DGKB: variants seen among roughly 807,000 people sequenced by gnomAD.
DGKB encodes the protein diacylglycerol kinase beta.
In DGKB, 67 loss-of-function variants were observed where a neutral mutation model predicts 114.3. The ratio of observed to expected loss-of-function variants is 0.59; its 90% confidence interval spans 0.48 to 0.72. The LOEUF (loss-of-function observed/expected upper bound fraction) is 0.72. Ranked by LOEUF, DGKB falls within the 30% of genes least tolerant of loss-of-function variation. The pLI, the probability that DGKB is intolerant of heterozygous loss-of-function variation, is 0.00. For synonymous variants in DGKB, 398 were observed against 323.1 expected (o/e 1.23, Z -2.49); for missense variants, 907 against 975.2 (o/e 0.93, Z 0.93).
chr7:14,154,692 A>AAC (rs1562485537), intron 25 of DGKB, among the ~76,000 whole-genome samples: 1 of 152,002 alleles, frequency 6.6e-6, no homozygotes, highest in African/African-American at 2.4e-5. Context: ...CCATAAAAAA[A>AAC]AAACAAACAA....
chr7:14,526,203 G>T (rs531106231), intron 20 of DGKB, among the ~76,000 whole-genome samples: 6 of 152,136 alleles, frequency 3.9e-5, no homozygotes, highest in African/African-American at 7.2e-5. Flanking sequence ...TTTAAATCAG[G>T]TTTTTTAAAA....
chr7:14,528,312 A>G (rs547398970), intron 20 of DGKB, among the ~76,000 whole-genome samples: 2 of 152,234 alleles, frequency 1.3e-5, no homozygotes, highest in African/African-American at 4.8e-5. Flanking sequence ...TAACTGAGTC[A>G]TGAATCCCTA....
At chr7:14,322,354 C>A (rs955947565) in intron 23 of DGKB, among the ~76,000 whole-genome samples, 1 of 152,082 alleles carries the variant, frequency 6.6e-6, no homozygotes, top group Non-Finnish European at 1.5e-5. Flanking sequence ...TAAACAGAAA[C>A]TTGGGATTAA....
intron 20 of DGKB, among the ~76,000 whole-genome samples, chr7:14,546,434 C>G (rs550042312): frequency 6.6e-6 from 1 of 152,148 alleles, no homozygotes; most frequent in Non-Finnish European, 1.5e-5. Flanking sequence ...TCTGAAACAA[C>G]TGAGACTTGA....
rs141165981 is a variant in DGKB at position 14,854,253 on chromosome 7, G to C, written c.-187-12803C>G. Reference sequence around the variant, plus strand: ...TTAATCTGCCTAAAACTGTCACTTTGATATTTAAATTCTTTATACCTGATT... The same window carrying C: ...TTAATCTGCCTAAAACTGTCACTTTCATATTTAAATTCTTTATACCTGATT... On this transcript the variant is annotated intron_variant, in intron 1 of 25. Transcript: ENST00000402815. 2.9e-3 allele frequency among the ~76,000 whole-genome samples: 439 copies of C among 152,246 alleles called. 2 individuals carry two copies. The highest frequency in any genetic ancestry group is 1.0e-2 in the African/African-American group (415 of 41,528).
intron 23 of DGKB, among the ~76,000 whole-genome samples, chr7:14,278,409 A>G (rs7797455): frequency 0.17 from 25,934 of 152,190 alleles, 2,578 homozygotes; most frequent in African/African-American, 0.27. Context: ...AGTATCTTTA[A>G]TACATGGTAT....
intron 25 of DGKB, among the ~76,000 whole-genome samples, chr7:14,171,749 G>C (rs1781027086): frequency 6.6e-6 from 1 of 152,178 alleles, no homozygotes; most frequent in Admixed American, 6.6e-5. Context: ...TTCAGTGAAA[G>C]AAGATTTAGT....
At chr7:14,159,339 T>C (rs569484404) in intron 25 of DGKB, among the ~76,000 whole-genome samples, 1 of 152,178 alleles carries the variant, frequency 6.6e-6, no homozygotes, top group Non-Finnish European at 1.5e-5. Flanking sequence ...AGGTCAATTT[T>C]GAGTTTCTTT....
chr7:14,552,274 C>G (rs1279428675), intron 20 of DGKB, among the ~76,000 whole-genome samples: 1 of 152,060 alleles, frequency 6.6e-6, no homozygotes, highest in Non-Finnish European at 1.5e-5. Flanking sequence ...AGCAATTAGA[C>G]AATACGCATT....
chr7:14,801,097 ATT>A (rs1389851975), intron 2 of DGKB, among the ~76,000 whole-genome samples: 1 of 152,150 alleles, frequency 6.6e-6, no homozygotes, highest in Non-Finnish European at 1.5e-5. Context: ...GCATATATAT[ATT>A]TGATTCCTTC....
intron 20 of DGKB, among the ~76,000 whole-genome samples, chr7:14,516,118 G>A (rs1788754265): frequency 6.6e-6 from 1 of 152,058 alleles, no homozygotes; most frequent in Non-Finnish European, 1.5e-5. Flanking sequence ...AAAGTGCTAG[G>A]ATTACAGGCA....
In DGKB at chr7:14,478,297, A is replaced by G. The variant is rs940519448; in HGVS notation, c.1771-72T>C. 14 of 873,436 alleles carry G rather than the reference A, an allele frequency of 1.6e-5. No individual in the cohort carries two copies. In the South Asian group the frequency reaches 2.6e-4, roughly 16 times the overall value. 54.1% of individuals were successfully genotyped at this position (873,436 alleles called of 1,614,324 possible). A position where few individuals can be genotyped will look rare whatever the true frequency, so the allele number is the denominator to read the frequency against. ...ATTATTTTATGAAAATGTAGACTAAATAAAAAAATAACATTTCAAAATGAA... is the reference window on the plus strand; with the variant it reads ...ATTATTTTATGAAAATGTAGACTAAGTAAAAAAATAACATTTCAAAATGAA... On this transcript the variant is annotated intron_variant, in intron 20 of 25. Coordinates refer to ENST00000402815, the MANE Select transcript of DGKB (RefSeq NM_001350709.2).
intron 20 of DGKB, among the ~76,000 whole-genome samples, chr7:14,551,578 G>A (rs1288534573): frequency 6.6e-6 from 1 of 152,056 alleles, no homozygotes; most frequent in Non-Finnish European, 1.5e-5. Flanking sequence ...GGCTAAGATA[G>A]TCTTACATGA....
chr7:14,752,946 G>T (rs1294395552), intron 4 of DGKB, among the ~76,000 whole-genome samples: 1 of 152,116 alleles, frequency 6.6e-6, no homozygotes, highest in Non-Finnish European at 1.5e-5. Flanking sequence ...CAAGTTTCCA[G>T]AAAAGTCAGA....
intron 12 of DGKB, among the ~76,000 whole-genome samples, chr7:14,679,903 G>A (rs953027851): frequency 1.3e-5 from 2 of 151,988 alleles, no homozygotes; most frequent in African/African-American, 4.8e-5. Flanking sequence ...TTAAGTAAAT[G>A]TGTCCCTAAA....
At chr7:14,684,874 G>T (rs1821406336) in intron 10 of DGKB, among the ~76,000 whole-genome samples, 2 of 151,918 alleles carry the variant, frequency 1.3e-5, no homozygotes, top group Admixed American at 6.6e-5. Context: ...AGATGTTCAT[G>T]TGAATAAAGT....
chr7:14,660,992 G>C (rs1022144691), intron 13 of DGKB, among the ~76,000 whole-genome samples: 125 of 148,518 alleles, frequency 8.4e-4, no homozygotes, highest in African/African-American at 2.8e-3. Flanking sequence ...GGGAAAACTG[G>C]CTAGCCATAT....
intron 23 of DGKB, among the ~76,000 whole-genome samples, chr7:14,178,839 A>G (rs1028673135): frequency 6.6e-6 from 1 of 152,086 alleles, no homozygotes; most frequent in Admixed American, 6.6e-5. Flanking sequence ...AAGACATTAA[A>G]AAGGGGCTAA....
In DGKB at chr7:14,627,586, CTG is replaced by C. The variant is rs111786359; in HGVS notation, c.1167+2648_1167+2649del. ...TAAAATAATGTGTGTATGTCTGTGT[CTG>C]TGTGTGTGTGTGTGTGTGTAGTATA... is the stretch of plus-strand genomic sequence containing the variant. On this transcript the variant is annotated intron_variant, in intron 14 of 25. Transcript: ENST00000402815. Among the ~76,000 whole-genome samples, 1,097 of 148,882 alleles carry C rather than the reference CTG, an allele frequency of 7.4e-3. 14 individuals are homozygous for C. Among genetic ancestry groups the C allele is most frequent in the African/African-American group, 0.024 (981 of 40,634 alleles).
Sources: gnomAD v4.1 joint callset for allele counts (sites outside exome capture counted in the v4.1 genomes callset) on GRCh38, gnomAD v4.1.1 for gene constraint, MANE v1.5 for transcripts, NCBI Gene and HGNC (gene_info 2026-07-23, HGNC 2026-07-21) for gene names.